SGCZ: variants seen among roughly 807,000 people sequenced by gnomAD.
SGCZ encodes zeta-sarcoglycan.
In SGCZ, 40 loss-of-function variants were observed where a neutral mutation model predicts 41.3. The observed-to-expected ratio is 0.97, with a 90% CI of 0.75 to 1.26. SGCZ has a LOEUF of 1.26. Among genes scored for constraint, SGCZ ranks in the 50% most tolerant of loss-of-function variants. The probability of loss-of-function intolerance (pLI) is 0.00; values close to 1 mark genes in which losing one functional copy is unlikely to be tolerated. For missense variants in SGCZ, 552 were observed against 369.8 expected (o/e 1.49, Z -4.04); for synonymous variants, 206 against 137.5 (o/e 1.50, Z -3.49).
At chr8:15,206,235 A>T (rs1280477647) in intron 1 of SGCZ, among the ~76,000 whole-genome samples, 3 of 152,100 alleles carry the variant, frequency 2.0e-5, no homozygotes, top group African/African-American at 7.2e-5. Flanking sequence ...ACTTAGGGCC[A>T]CGGTAGTCAG....
intron 1 of SGCZ, among the ~76,000 whole-genome samples, chr8:14,844,218 T>C (rs1384691483): frequency 1.3e-5 from 2 of 152,130 alleles, no homozygotes; most frequent in Admixed American, 1.3e-4. Context: ...CTGTTTCCAC[T>C]GTAAGCATAT....
At chr8:15,191,834 C>G (rs1448231169) in intron 1 of SGCZ, among the ~76,000 whole-genome samples, 1 of 151,960 alleles carries the variant, frequency 6.6e-6, no homozygotes, top group Non-Finnish European at 1.5e-5. Context: ...TACAAAATGA[C>G]TCTAAAATAT....
In SGCZ at chr8:14,451,642, T is replaced by C. The variant is rs73517501; in HGVS notation, c.234+103090A>G. Among the ~76,000 whole-genome samples, 908 of 152,310 alleles carry C rather than the reference T, an allele frequency of 6.0e-3. 9 individuals carry two copies. Among genetic ancestry groups the C allele is most frequent in the African/African-American group, 0.021 (856 of 41,570 alleles). ...TATACGACAAACTCTTAAAACTCTA[T>C]GCTAAGTAAATGAACAACCTGATTT... On this transcript the variant is annotated intron_variant, in intron 2 of 7. Coordinates refer to ENST00000382080, the MANE Select transcript of SGCZ (RefSeq NM_139167.4).
intron 1 of SGCZ, among the ~76,000 whole-genome samples, chr8:15,235,884 G>A (rs1001710050): frequency 1.3e-5 from 2 of 152,044 alleles, no homozygotes; most frequent in Non-Finnish European, 2.9e-5. Flanking sequence ...ATTCTTCTTC[G>A]CATCTCAGAT....
intron 1 of SGCZ, among the ~76,000 whole-genome samples, chr8:14,873,298 T>A (rs1804232701): frequency 1.3e-5 from 2 of 152,290 alleles, no homozygotes; most frequent in South Asian, 4.1e-4. Context: ...AGTTATTCAT[T>A]GCATGTGTTG....
rs1806514381 is a variant in SGCZ, at chr8:14,627,841, G to C, written c.40-72915C>G. On this transcript the variant is annotated intron_variant, in intron 1 of 7. Coordinates refer to ENST00000382080, the MANE Select transcript of SGCZ (RefSeq NM_139167.4). ...AAGGAAAGGCTCTGACGTTAACCTGGATGTCTATTGACTTATTTCAGGAGT... is the reference window on the plus strand; with the variant it reads ...AAGGAAAGGCTCTGACGTTAACCTGCATGTCTATTGACTTATTTCAGGAGT... Among the ~76,000 whole-genome samples, 4 of 152,138 alleles carry C rather than the reference G, an allele frequency of 2.6e-5. No homozygotes were observed. The East Asian group carries it at 5.8e-4, about 22-fold the overall frequency.
chr8:14,961,226 A>G (rs901652602), intron 1 of SGCZ, among the ~76,000 whole-genome samples: 6 of 152,120 alleles, frequency 3.9e-5, no homozygotes, highest in Middle Eastern at 3.4e-3. Context: ...CAATATTTTT[A>G]TTAGTTGGTA....
At chr8:14,874,484 C>T (rs1055227461) in intron 1 of SGCZ, among the ~76,000 whole-genome samples, 2 of 151,966 alleles carry the variant, frequency 1.3e-5, no homozygotes, top group Admixed American at 6.6e-5. Flanking sequence ...TATTCTTTAT[C>T]CACCAACTGA....
At chr8:14,611,807 T>A (rs1414387793) in intron 1 of SGCZ, among the ~76,000 whole-genome samples, 1 of 152,084 alleles carries the variant, frequency 6.6e-6, no homozygotes, top group Non-Finnish European at 1.5e-5. Context: ...AAATACAGTA[T>A]GTAAACACAA....
At chr8:14,282,972 C>A (rs1026450016) in intron 3 of SGCZ, among the ~76,000 whole-genome samples, 3 of 149,248 alleles carry the variant, frequency 2.0e-5, no homozygotes, top group Admixed American at 6.7e-5. Context: ...GCCTCAGCCT[C>A]CCGAGTAGCT....
At chr8:14,743,219 A>G (rs1799244843) in intron 1 of SGCZ, among the ~76,000 whole-genome samples, 1 of 152,080 alleles carries the variant, frequency 6.6e-6, no homozygotes. Flanking sequence ...ACCGTATCAA[A>G]TGTTATCATT....
At chr8:15,131,924 C>T (rs1044297441) in intron 1 of SGCZ, among the ~76,000 whole-genome samples, 1 of 152,164 alleles carries the variant, frequency 6.6e-6, no homozygotes, top group Non-Finnish European at 1.5e-5. Context: ...CAACAAATAC[C>T]CTTTTATGAA....
rs77349790 is a variant in SGCZ at position 14,296,037 on chromosome 8, A to G, written c.336+28066T>C. 8.4e-3 allele frequency among the ~76,000 whole-genome samples: 1,278 copies of G among 152,230 alleles called. 22 individuals are homozygous for G. Among genetic ancestry groups the G allele is most frequent in the African/African-American group, 0.029 (1,207 of 41,542 alleles). ...TGTAAGTTCAGACCAGAAGGTGGAG[A>G]GACACTCCACTGAATACCCAGAGTT... On this transcript the variant is annotated intron_variant, in intron 3 of 7. Coordinates refer to ENST00000382080, the MANE Select transcript of SGCZ (RefSeq NM_139167.4).
intron 1 of SGCZ, among the ~76,000 whole-genome samples, chr8:14,606,461 G>T (rs10096729): frequency 4.6e-5 from 7 of 152,120 alleles, no homozygotes; most frequent in South Asian, 4.1e-4. Context: ...TTAAGTTGTT[G>T]TTGAGAACTT....
intron 1 of SGCZ, among the ~76,000 whole-genome samples, chr8:14,773,420 T>C (rs1285715299): frequency 2.0e-5 from 3 of 152,150 alleles, no homozygotes; most frequent in African/African-American, 7.2e-5. Flanking sequence ...GTGCCTTTGT[T>C]CCTGGTCGTG....
chr8:14,397,155 TCTGA>T (rs1295611363), intron 2 of SGCZ, among the ~76,000 whole-genome samples: 1 of 152,170 alleles, frequency 6.6e-6, no homozygotes, highest in Non-Finnish European at 1.5e-5. Context: ...GGTACAAAAT[TCTGA>T]CTGACTTTTC....
At chr8:14,440,006 A>C (rs1405145622) in intron 2 of SGCZ, among the ~76,000 whole-genome samples, 2 of 152,082 alleles carry the variant, frequency 1.3e-5, no homozygotes, top group African/African-American at 2.4e-5. Context: ...ACTAAAAAAA[A>C]AAATTAGCCT....
rs115663772 is a variant in SGCZ at position 14,931,586 on chromosome 8, G to C, written c.39+305999C>G. On this transcript the variant is annotated intron_variant, in intron 1 of 7. Coordinates refer to ENST00000382080, the MANE Select transcript of SGCZ (RefSeq NM_139167.4). ...TTTTGTTTGCAAAAAATCTGATTATGATAGTCTTTTCAAGTGAGCTCTGGA... is the reference window on the plus strand; with the variant it reads ...TTTTGTTTGCAAAAAATCTGATTATCATAGTCTTTTCAAGTGAGCTCTGGA... Among the ~76,000 whole-genome samples, 429 of 152,006 alleles carry C rather than the reference G, an allele frequency of 2.8e-3. 7 individuals are homozygous for C. Among genetic ancestry groups the C allele is most frequent in the African/African-American group, 9.9e-3 (411 of 41,398 alleles).
chr8:14,348,198 A>C (rs930682213), intron 2 of SGCZ, among the ~76,000 whole-genome samples: 4 of 152,028 alleles, frequency 2.6e-5, no homozygotes, highest in Non-Finnish European at 5.9e-5. Context: ...AGACATGCAG[A>C]CCTTTATCCT....
Sources: allele counts gnomAD v4.1 joint callset (sites outside exome capture counted in the v4.1 genomes callset), GRCh38; gene constraint gnomAD v4.1.1; transcripts MANE v1.5; gene names NCBI Gene and HGNC (gene_info 2026-07-23, HGNC 2026-07-21).